CPD: variants seen among roughly 807,000 people sequenced by gnomAD.
The protein encoded by CPD is carboxypeptidase D.
In CPD, 69 loss-of-function variants were observed where a neutral mutation model predicts 138.3. The observed-to-expected ratio is 0.50, with a 90% CI of 0.41 to 0.61. The LOEUF is 0.61. Ranked by LOEUF, CPD falls within the 20% of genes least tolerant of loss-of-function variation. The pLI is 0.00. For missense variants in CPD, 1,432 were observed against 1,733.3 expected (o/e 0.83, Z 3.09); for synonymous variants, 651 against 642.1 (o/e 1.01, Z -0.21).
intron 1 of CPD, among the ~76,000 whole-genome samples, chr17:30,381,788 T>G (rs1911055472): frequency 6.6e-6 from 1 of 152,180 alleles, no homozygotes; most frequent in South Asian, 2.1e-4. Flanking sequence ...AGGTAAACCA[T>G]TTGAGTAATT....
intron 2 of CPD, among the ~76,000 whole-genome samples, chr17:30,401,116 G>A (rs1049165693): frequency 2.0e-5 from 3 of 152,108 alleles, no homozygotes; most frequent in African/African-American, 7.2e-5. Flanking sequence ...GGCTTCTGCT[G>A]AGAAATTCAG....
rs193188789 is a variant in CPD, at chr17:30,407,660, G to T, written c.995-13181G>T. Among the ~76,000 whole-genome samples, 480 of 152,220 alleles carry T rather than the reference G, an allele frequency of 3.2e-3. 2 individuals carry two copies. Among genetic ancestry groups the T allele is most frequent in the African/African-American group, 0.011 (468 of 41,554 alleles). Reference sequence around the variant, plus strand: ...TTTCCTTTGCCCACTTTTTGATGGGGTTGTTTGTTTTTTTCTTGTAAATTT... The same window carrying T: ...TTTCCTTTGCCCACTTTTTGATGGGTTTGTTTGTTTTTTTCTTGTAAATTT... On this transcript the variant is annotated intron_variant, in intron 2 of 20. Transcript: ENST00000225719.
chr17:30,402,633 AGGTTAGTCT>A (rs1911704037), intron 2 of CPD, among the ~76,000 whole-genome samples: 1 of 152,200 alleles, frequency 6.6e-6, no homozygotes. Context: ...AACTGCTTTA[AGGTTAGTCT>A]GGTAATTCCA....
intron 6 of CPD, among the ~76,000 whole-genome samples, chr17:30,424,668 C>G (rs1056461357): frequency 1.3e-5 from 2 of 152,212 alleles, no homozygotes; most frequent in African/African-American, 4.8e-5. Flanking sequence ...TCCAGACTTG[C>G]TAATTTATTG....
At chr17:30,459,198 T>A (rs1193574692) in intron 17 of CPD, among the ~76,000 whole-genome samples, 6 of 105,562 alleles carry the variant, frequency 5.7e-5, no homozygotes, top group South Asian at 6.3e-4. Context: ...ATTTATTTTT[T>A]ATTTATTTTT....
chr17:30,442,291 T>G lies in CPD; in HGVS notation c.2231-17T>G. On this transcript the variant is annotated splice_polypyrimidine_tract_variant and intron_variant, in intron 9 of 20. Coordinates refer to ENST00000225719, the MANE Select transcript of CPD (RefSeq NM_001304.5). Reference sequence around the variant, plus strand: ...AGAACTTCTTCAGAGTGACTAATTTTAATTTTTATCTTTTAGGAGGAATGC... The same window carrying G: ...AGAACTTCTTCAGAGTGACTAATTTGAATTTTTATCTTTTAGGAGGAATGC... 1 of 1,609,114 alleles carries G rather than the reference T, an allele frequency of 6.2e-7. No individual in the cohort carries two copies. Among genetic ancestry groups the G allele is most frequent in the Non-Finnish European group, 8.5e-7 (1 of 1,176,626 alleles).
At position 30,442,455 on chromosome 17, in the gene CPD, C is replaced by A; in HGVS notation, c.2373+5C>A. 6.2e-7 allele frequency: 1 copy of A among 1,612,718 alleles called. No individual in the cohort carries two copies. The highest frequency in any genetic ancestry group is 8.5e-7 in the Non-Finnish European group (1 of 1,179,124). On this transcript the variant is annotated splice_donor_5th_base_variant and intron_variant, in intron 10 of 20. Transcript: ENST00000225719. The stretch of plus-strand genomic sequence containing the variant: ...CTAATCCAGTTTATGAAACAGGTGA[C>A]TATTCAGGAGTGAAGTATGAAATTT...
intron 9 of CPD, among the ~76,000 whole-genome samples, 199 bp downstream of exon 9, chr17:30,439,276 A>C (rs2059047809): frequency 6.6e-6 from 1 of 152,006 alleles, no homozygotes; most frequent in Non-Finnish European, 1.5e-5. Flanking sequence ...AGAATAATGC[A>C]CTAAAACTTG....
At chr17:30,443,692 G>A (rs536197800) in intron 10 of CPD, 110 bp from the exon 11 acceptor site, 64 of 1,109,244 alleles carry the variant, frequency 5.8e-5, no homozygotes, top group Middle Eastern at 2.3e-4. Flanking sequence ...CTAAATTCCT[G>A]TTTGTTCCAT....
At chr17:30,433,084 T>C (rs1487007560) in intron 8 of CPD, among the ~76,000 whole-genome samples, 1 of 152,202 alleles carries the variant, frequency 6.6e-6, no homozygotes, top group Non-Finnish European at 1.5e-5. Context: ...CTCTGCACTC[T>C]CCAGTCACAG....
chr17:30,416,038 G>A (rs1407373681), intron 2 of CPD, among the ~76,000 whole-genome samples: 1 of 152,148 alleles, frequency 6.6e-6, no homozygotes, highest in Non-Finnish European at 1.5e-5. Context: ...TTTGCGAGAT[G>A]AAAATGTTCT....
intron 8 of CPD, among the ~76,000 whole-genome samples, 195 bp downstream of exon 8, chr17:30,432,076 G>A (rs1264647482): frequency 6.6e-6 from 1 of 151,950 alleles, no homozygotes; most frequent in African/African-American, 2.4e-5. Context: ...TTCTCCATTG[G>A]CCTTTTATCT....
chr17:30,431,709 C>T (rs1472326610), intron 7 of CPD, 63 bp from the exon 8 acceptor site: 1 of 1,106,172 alleles, frequency 9.0e-7, no homozygotes, highest in East Asian at 2.4e-5. Context: ...TTCTGAAAAG[C>T]TTTATGTTAA....
At chr17:30,382,955 C>G (rs188670575) in intron 1 of CPD, among the ~76,000 whole-genome samples, 2 of 152,120 alleles carry the variant, frequency 1.3e-5, no homozygotes, top group African/African-American at 4.8e-5. Flanking sequence ...TGTTTGTTGC[C>G]GAATGGATTA....
chr17:30,445,555 C>T (rs911472203), intron 11 of CPD, 136 bp from the exon 12 acceptor site: 10 of 552,368 alleles, frequency 1.8e-5, no homozygotes, highest in African/African-American at 7.6e-5. Context: ...AATTACTCAA[C>T]GTTAAAATTT....
intron 7 of CPD, among the ~76,000 whole-genome samples, chr17:30,427,856 A>C (rs1336639491): frequency 2.2e-4 from 26 of 117,388 alleles, no homozygotes; most frequent in African/African-American, 4.4e-4. Context: ...CCCTTCTCTT[A>C]CCTCCTCTCC....
At chr17:30,398,410 AATAAAG>A (rs1279859040) in intron 2 of CPD, among the ~76,000 whole-genome samples, 1 of 152,208 alleles carries the variant, frequency 6.6e-6, no homozygotes, top group Non-Finnish European at 1.5e-5. Flanking sequence ...TCTTTGGCTG[AATAAAG>A]ATATTCTGAA....
chr17:30,424,484 A>G lies in CPD; in HGVS notation c.1849+787A>G, dbSNP rs956492713. 4.6e-5 allele frequency among the ~76,000 whole-genome samples: 7 copies of G among 152,272 alleles called. No individual in the cohort carries two copies. The South Asian group carries it at 6.2e-4, about 14-fold the overall frequency. ...GGAGTGCCGTGGTCAAGAGGAGGGAATCTGTTGAGATAGGCCCTGCCTATT... is the reference window on the plus strand; with the variant it reads ...GGAGTGCCGTGGTCAAGAGGAGGGAGTCTGTTGAGATAGGCCCTGCCTATT... On this transcript the variant is annotated intron_variant, in intron 6 of 20. Transcript: ENST00000225719.
chr17:30,452,709 G>A (rs552636685), intron 14 of CPD, among the ~76,000 whole-genome samples: 3 of 150,802 alleles, frequency 2.0e-5, no homozygotes, highest in East Asian at 1.9e-4. Flanking sequence ...GAGAACACCC[G>A]GCTTTCTGAA....
Sources: allele counts gnomAD v4.1 joint callset (sites outside exome capture counted in the v4.1 genomes callset), GRCh38; gene constraint gnomAD v4.1.1; transcripts MANE v1.5; gene names NCBI Gene and HGNC (gene_info 2026-07-23, HGNC 2026-07-21).